ADAMTS12: variants seen among roughly 807,000 people sequenced by gnomAD.
The protein encoded by ADAMTS12 is ADAM metallopeptidase with thrombospondin type 1 motif 12, also known as A disintegrin and metalloproteinase with thrombospondin motifs 12.
ADAMTS12 carries 118 observed loss-of-function variants against 167.8 expected under a neutral mutation model. The observed-to-expected ratio is 0.70, with a 90% CI of 0.61 to 0.82. The LOEUF (loss-of-function observed/expected upper bound fraction) is 0.82. Among genes scored for constraint, ADAMTS12 ranks in the 40% least tolerant of loss-of-function variants. The pLI, the probability that ADAMTS12 is intolerant of heterozygous loss-of-function variation, is 0.00. For missense variants in ADAMTS12, 1,916 were observed against 1,998.8 expected (o/e 0.96, Z 0.79); for synonymous variants, 704 against 716.9 (o/e 0.98, Z 0.29).
chr5:33,542,206 C>G (rs1173544022), intron 22 of ADAMTS12, among the ~76,000 whole-genome samples: 2 of 151,894 alleles, frequency 1.3e-5, no homozygotes, highest in African/African-American at 4.8e-5. Flanking sequence ...TCTGATAAAA[C>G]AGACTTTAAA....
At chr5:33,872,554 AAAAAG>A (rs1486449326) in intron 2 of ADAMTS12, among the ~76,000 whole-genome samples, 1 of 151,908 alleles carries the variant, frequency 6.6e-6, no homozygotes, top group East Asian at 1.9e-4. Flanking sequence ...CTGAAAAAAA[AAAAAG>A]AAAGAAAGAA....
chr5:33,844,711 A>C (rs191635256), intron 2 of ADAMTS12, among the ~76,000 whole-genome samples: 14 of 152,288 alleles, frequency 9.2e-5, no homozygotes, highest in Admixed American at 3.3e-4. Flanking sequence ...TACCTTGTGA[A>C]GCACGTGATC....
intron 2 of ADAMTS12, among the ~76,000 whole-genome samples, chr5:33,839,049 C>A (rs1489749216): frequency 6.6e-6 from 1 of 152,138 alleles, no homozygotes; most frequent in East Asian, 1.9e-4. Flanking sequence ...TCCTCTAAAA[C>A]GTGAAGATCC....
intron 3 of ADAMTS12, among the ~76,000 whole-genome samples, chr5:33,736,604 G>A (rs539787810): frequency 1.6e-4 from 24 of 152,176 alleles, no homozygotes; most frequent in Non-Finnish European, 5.9e-5. Context: ...ATTTCCCCAG[G>A]ATGTTTACAG....
intron 2 of ADAMTS12, among the ~76,000 whole-genome samples, chr5:33,860,511 A>G (rs545830829): frequency 1.3e-5 from 2 of 152,330 alleles, no homozygotes; most frequent in South Asian, 4.1e-4. Context: ...ATATGAGACT[A>G]TGTAGAAAGA....
At chr5:33,572,987 C>T (rs1001727692) in intron 19 of ADAMTS12, among the ~76,000 whole-genome samples, 5 of 150,846 alleles carry the variant, frequency 3.3e-5, no homozygotes, top group Admixed American at 2.6e-4. Context: ...CATGAGTGAA[C>T]TCCCATTCAC....
At chr5:33,575,468 C>G (rs1188559983) in intron 19 of ADAMTS12, among the ~76,000 whole-genome samples, 1 of 152,182 alleles carries the variant, frequency 6.6e-6, no homozygotes, top group African/African-American at 2.4e-5. Context: ...TCGACATAAT[C>G]ACACAGCCGA....
intron 2 of ADAMTS12, among the ~76,000 whole-genome samples, chr5:33,774,905 A>G (rs1227300965): frequency 2.0e-5 from 3 of 152,188 alleles, no homozygotes; most frequent in African/African-American, 7.2e-5. Context: ...TAAGAATCAC[A>G]TTTTTGACTT....
intron 20 of ADAMTS12, among the ~76,000 whole-genome samples, chr5:33,554,966 CA>C (rs927889185): frequency 4.7e-5 from 7 of 150,390 alleles, no homozygotes; most frequent in South Asian, 2.1e-4. Flanking sequence ...CAGATTATTA[CA>C]AAAAAAAAGT....
intron 2 of ADAMTS12, among the ~76,000 whole-genome samples, chr5:33,768,094 C>T (rs1411251224): frequency 1.3e-5 from 2 of 151,980 alleles, no homozygotes; most frequent in Non-Finnish European, 2.9e-5. Context: ...CCATTCAGGC[C>T]GAAGTTAGTT....
intron 3 of ADAMTS12, among the ~76,000 whole-genome samples, chr5:33,749,203 T>C (rs1744891456): frequency 6.6e-6 from 1 of 152,142 alleles, no homozygotes; most frequent in African/African-American, 2.4e-5. Context: ...ACACACTGAC[T>C]GGGGAGGGAA....
In ADAMTS12 at chr5:33,637,613, T is replaced by C; in HGVS notation, c.1852A>G (p.Asn618Asp). The C allele has an allele frequency of 1.2e-6, 2 of 1,613,602 alleles. No homozygotes were observed. Among genetic ancestry groups the C allele is most frequent in the Non-Finnish European group, 1.7e-6 (2 of 1,179,600 alleles). Residue 618 changes from asparagine (N) to aspartate (D), a missense_variant, in exon 12 of 24, where the codon AAT (asparagine) becomes GAT (aspartate). Physicochemically the swap from Asn to Asp is conservative, Grantham distance 23. Transcript: ENST00000504830. Reference sequence around the variant, plus strand: ...ATGGGAAACCAGTGGTAGAGTTCATTCTTGTAGGGAACAGTGTCAAATTCA... The same window carrying C: ...ATGGGAAACCAGTGGTAGAGTTCATCCTTGTAGGGAACAGTGTCAAATTCA... ...CSEFDTVPYK[N>D]ELYHWFPIFN... is the part of the protein sequence containing the mutation.
chr5:33,855,340 G>T (rs1423346738), intron 2 of ADAMTS12, among the ~76,000 whole-genome samples: 1 of 152,188 alleles, frequency 6.6e-6, no homozygotes, highest in Non-Finnish European at 1.5e-5. Flanking sequence ...CTTAATCCTT[G>T]CATTTCTGGA....
chr5:33,563,457 G>A (rs1745846528), intron 19 of ADAMTS12, among the ~76,000 whole-genome samples: 1 of 152,096 alleles, frequency 6.6e-6, no homozygotes, highest in African/African-American at 2.4e-5. Flanking sequence ...AACTAAACCT[G>A]GGCTGGCCTG....
At chr5:33,597,004 T>C (rs1231299051) in intron 16 of ADAMTS12, among the ~76,000 whole-genome samples, 2 of 152,168 alleles carry the variant, frequency 1.3e-5, no homozygotes, top group Non-Finnish European at 2.9e-5. Flanking sequence ...CTAAACTATG[T>C]GTATTTATAT....
intron 2 of ADAMTS12, among the ~76,000 whole-genome samples, chr5:33,755,405 G>A (rs1252657780): frequency 6.6e-6 from 1 of 152,196 alleles, no homozygotes; most frequent in Non-Finnish European, 1.5e-5. Flanking sequence ...GATGAGGAAG[G>A]ATGGGGAAGG....
intron 19 of ADAMTS12, among the ~76,000 whole-genome samples, chr5:33,568,494 G>C (rs7722296): frequency 6.2e-4 from 95 of 152,308 alleles, no homozygotes; most frequent in African/African-American, 2.0e-3. Flanking sequence ...AGAGATAGCA[G>C]ATCAGAGTGG....
chr5:33,775,081 T>TCA (rs1409133141), intron 2 of ADAMTS12, among the ~76,000 whole-genome samples: 5 of 152,144 alleles, frequency 3.3e-5, no homozygotes, highest in Non-Finnish European at 7.4e-5. Context: ...GTCATTCTGA[T>TCA]GCAGAAAGTC....
chr5:33,704,762 A>G (rs1743128461), intron 3 of ADAMTS12, among the ~76,000 whole-genome samples: 1 of 152,104 alleles, frequency 6.6e-6, no homozygotes, highest in South Asian at 2.1e-4. Context: ...TGGTCTGCAA[A>G]TATTTTCTCT....
Sources: gnomAD v4.1 joint callset for allele counts (sites outside exome capture counted in the v4.1 genomes callset) on GRCh38, gnomAD v4.1.1 for gene constraint, MANE v1.5 for transcripts, NCBI Gene and HGNC (gene_info 2026-07-23, HGNC 2026-07-21) for gene names.